SUCLG2: variants seen among roughly 807,000 people sequenced by gnomAD.
SUCLG2 encodes the protein succinate--CoA ligase [GDP-forming] subunit beta, mitochondrial.
In SUCLG2, 42 loss-of-function variants were observed where a neutral mutation model predicts 47.9. The observed-to-expected ratio is 0.88, with a 90% CI of 0.69 to 1.14. The LOEUF (loss-of-function observed/expected upper bound fraction) is 1.14, where lower values mean the gene tolerates loss of function less well. Among genes scored for constraint, SUCLG2 ranks in the 50% most tolerant of loss-of-function variants. The pLI, the probability that SUCLG2 is intolerant of heterozygous loss-of-function variation, is 0.00. For synonymous variants in SUCLG2, 195 were observed against 197.3 expected, an observed-to-expected ratio of 0.99 and a Z score of 0.10; for missense variants, 571 against 525.9, an observed-to-expected ratio of 1.09 and a Z score of -0.84.
In SUCLG2 at chr3:67,654,537, G is replaced by A. The variant is rs865861886; in HGVS notation, c.50C>T (p.Ala17Val). 7.1e-6 allele frequency: 9 copies of A among 1,261,736 alleles called. No homozygotes were observed. The highest frequency in any genetic ancestry group is 5.8e-4 in the Middle Eastern group (2 of 3,468). 78.2% of individuals were successfully genotyped at this position (1,261,736 alleles called of 1,614,324 possible). ...GGCCGCCAGGAAGCGGGGCCGCAGC[G>A]CTAGGGCTCGCAGAAGCTTCCCGGC... Reference protein sequence around the residue: ...AQAGKLLRALALRPRFLAAGS... With the variant: ...AQAGKLLRALVLRPRFLAAGS... Residue 17 changes from alanine to valine, a missense_variant, in exon 1 of 11, where the codon GCG becomes GTG. Ala to Val is a moderately conservative substitution (Grantham distance 64, BLOSUM62 0). Coordinates refer to ENST00000307227, the MANE Select transcript of SUCLG2 (RefSeq NM_003848.4).
At chr3:67,453,223 C>CT (rs5849757) in intron 9 of SUCLG2, among the ~76,000 whole-genome samples, 91,884 of 149,906 alleles carry the variant, frequency 0.61, 28,319 homozygotes, top group Admixed American at 0.69. Context: ...ATTCAGACTT[C>CT]TTTTTTTTTT....
intron 10 of SUCLG2, among the ~76,000 whole-genome samples, chr3:67,379,612 A>T (rs1702109841): frequency 6.6e-6 from 1 of 152,210 alleles, no homozygotes; most frequent in African/African-American, 2.4e-5. Context: ...CACCCAACTT[A>T]GCACCAGTAT....
intron 9 of SUCLG2, among the ~76,000 whole-genome samples, chr3:67,403,252 A>G (rs1236513991): frequency 1.3e-5 from 2 of 152,144 alleles, no homozygotes; most frequent in Admixed American, 6.5e-5. Flanking sequence ...TTGTTCTCCA[A>G]TGTACTTTAT....
chr3:67,430,870 T>C (rs576796072), intron 9 of SUCLG2, among the ~76,000 whole-genome samples: 4 of 152,336 alleles, frequency 2.6e-5, no homozygotes, highest in Non-Finnish European at 5.9e-5. Flanking sequence ...GATAAATTCC[T>C]GGACACATAC....
chr3:67,367,542 A>G (rs1239279530), intron 10 of SUCLG2, among the ~76,000 whole-genome samples: 1 of 152,176 alleles, frequency 6.6e-6, no homozygotes, highest in East Asian at 1.9e-4. Context: ...TAATACATAT[A>G]ATTGAATCAG....
chr3:67,488,120 TA>T lies in SUCLG2; in HGVS notation c.1062+7677del, dbSNP rs1007203269. Reference sequence around the variant, plus strand: ...CAAAACTAGTGTGTGTATATATATATATTTTTTAAAAAGGTATATATAAATA... The same window carrying T: ...CAAAACTAGTGTGTGTATATATATATTTTTTTAAAAAGGTATATATAAATA... On this transcript the variant is annotated intron_variant, in intron 9 of 10. Transcript: ENST00000307227. Among the ~76,000 whole-genome samples the T allele has an allele frequency of 7.3e-4, 111 of 151,704 alleles. No homozygotes were observed. The East Asian group carries it at 8.3e-3, about 11-fold the overall frequency.
chr3:67,562,100 T>C (rs886383954), intron 2 of SUCLG2, among the ~76,000 whole-genome samples: 11 of 152,152 alleles, frequency 7.2e-5, no homozygotes, highest in African/African-American at 2.7e-4. Context: ...ACGACTACTG[T>C]AAATACTTAA....
At chr3:67,461,241 G>A (rs1025706681) in intron 9 of SUCLG2, among the ~76,000 whole-genome samples, 4 of 152,070 alleles carry the variant, frequency 2.6e-5, no homozygotes, top group East Asian at 1.9e-4. Flanking sequence ...TGAGTTTAAC[G>A]CTCCAAACGA....
intron 1 of SUCLG2, 71 bp from the exon 2 acceptor site, chr3:67,609,667 C>G: frequency 1.3e-6 from 2 of 1,509,654 alleles, no homozygotes; most frequent in Non-Finnish European, 1.8e-6. Flanking sequence ...ACCTACATGG[C>G]CAGTCTTAGA....
At chr3:67,531,730 T>TAAGTCAGC (rs1371299518) in intron 2 of SUCLG2, among the ~76,000 whole-genome samples, 2 of 152,172 alleles carry the variant, frequency 1.3e-5, no homozygotes, top group Non-Finnish European at 2.9e-5. Flanking sequence ...ATCAATATAG[T>TAAGTCAGC]AAGTCAGCAA....
chr3:67,397,564 G>C (rs936126142), intron 10 of SUCLG2, among the ~76,000 whole-genome samples: 4 of 152,156 alleles, frequency 2.6e-5, no homozygotes, highest in African/African-American at 9.7e-5. Flanking sequence ...TGGATAGGAA[G>C]AATCAATATC....
chr3:67,459,933 A>AC (rs1704285188), intron 9 of SUCLG2, among the ~76,000 whole-genome samples: 1 of 152,064 alleles, frequency 6.6e-6, no homozygotes, highest in Admixed American at 6.5e-5. Context: ...GGAGCAGGGA[A>AC]AAGGGCTCCC....
At chr3:67,491,943 T>C (rs1414030852) in intron 9 of SUCLG2, among the ~76,000 whole-genome samples, 1 of 152,164 alleles carries the variant, frequency 6.6e-6, no homozygotes, top group Non-Finnish European at 1.5e-5. Flanking sequence ...TTAAATAGCA[T>C]GCCCAAGGTC....
At chr3:67,422,635 T>C (rs1222438388) in intron 9 of SUCLG2, among the ~76,000 whole-genome samples, 2 of 152,034 alleles carry the variant, frequency 1.3e-5, no homozygotes, top group African/African-American at 2.4e-5. Flanking sequence ...AGTGGTGAAC[T>C]TGATGTTGAG....
At chr3:67,553,568 A>C (rs189374802) in intron 2 of SUCLG2, among the ~76,000 whole-genome samples, 1 of 152,306 alleles carries the variant, frequency 6.6e-6, no homozygotes, top group African/African-American at 2.4e-5. Flanking sequence ...TTTAATTTTT[A>C]ATTTTTCTTA....
intron 9 of SUCLG2, among the ~76,000 whole-genome samples, chr3:67,474,120 C>T (rs1240970423): frequency 6.6e-6 from 1 of 151,918 alleles, no homozygotes; most frequent in African/African-American, 2.4e-5. Flanking sequence ...ATTATCCGGG[C>T]ATGGTGGCAG....
intron 1 of SUCLG2, among the ~76,000 whole-genome samples, chr3:67,629,906 C>T (rs1310844780): frequency 6.6e-6 from 1 of 152,104 alleles, no homozygotes; most frequent in Non-Finnish European, 1.5e-5. Context: ...CATTATACCA[C>T]ACATTACATG....
intron 1 of SUCLG2, among the ~76,000 whole-genome samples, chr3:67,633,170 A>T (rs1051807919): frequency 1.3e-5 from 2 of 152,224 alleles, no homozygotes; most frequent in African/African-American, 4.8e-5. Context: ...CAAATTAATA[A>T]CGAAAAGTAA....
intron 2 of SUCLG2, among the ~76,000 whole-genome samples, chr3:67,597,123 A>G (rs148769955): frequency 3.9e-5 from 6 of 152,264 alleles, no homozygotes; most frequent in Non-Finnish European, 5.9e-5. Flanking sequence ...CCATCCCCAC[A>G]TTTCAACTAA....
Sources: allele counts gnomAD v4.1 joint callset (sites outside exome capture counted in the v4.1 genomes callset), GRCh38; gene constraint gnomAD v4.1.1; transcripts MANE v1.5; gene names NCBI Gene and HGNC (gene_info 2026-07-23, HGNC 2026-07-21).